Variants in PAG1 observed in about 807,000 individuals in gnomAD.
The protein encoded by PAG1 is phosphoprotein membrane anchor with glycosphingolipid microdomains 1.
In PAG1, 23 loss-of-function variants were observed where a neutral mutation model predicts 31.7. That is an observed-to-expected ratio of 0.73 (90% CI 0.52 to 1.03). PAG1 has a LOEUF of 1.03. Among genes scored for constraint, PAG1 ranks in the 50% least tolerant of loss-of-function variants. The pLI is 0.00. For synonymous variants in PAG1, 214 were observed against 210.3 expected, an observed-to-expected ratio of 1.02 and a Z score of -0.15; for missense variants, 473 against 540.7, an observed-to-expected ratio of 0.87 and a Z score of 1.24.
chr8:81,026,080 C>A (rs1808272630), intron 3 of PAG1, among the ~76,000 whole-genome samples: 1 of 152,086 alleles, frequency 6.6e-6, no homozygotes, highest in South Asian at 2.1e-4. Flanking sequence ...CTTTAGTTTC[C>A]TCTTTGGTAA....
At chr8:80,989,148 A>C (rs1468811569) in intron 5 of PAG1, among the ~76,000 whole-genome samples, 1 of 152,190 alleles carries the variant, frequency 6.6e-6, no homozygotes, top group South Asian at 2.1e-4. Context: ...ATGCTGTGCA[A>C]TGATCCAAAA....
At chr8:80,981,862 CTTTTTT>C (rs57438015) in intron 7 of PAG1, among the ~76,000 whole-genome samples, 11 of 103,422 alleles carry the variant, frequency 1.1e-4, no homozygotes, top group African/African-American at 1.0e-4. Context: ...ATCTCACTTC[CTTTTTT>C]TTTTTTTTTT....
At chr8:80,992,617 T>A (rs1055814600) in intron 4 of PAG1, among the ~76,000 whole-genome samples, 6 of 152,220 alleles carry the variant, frequency 3.9e-5, no homozygotes, top group African/African-American at 1.4e-4. Flanking sequence ...TTATTTCATA[T>A]ACAGCATGTT....
Position 80,976,354 on chromosome 8 carries a change from G to A in PAG1, c.*190C>T, listed in dbSNP as rs1807178445. The A allele has an allele frequency of 3.4e-6, 2 of 584,210 alleles. No homozygotes were observed. Among genetic ancestry groups the A allele is most frequent in the Non-Finnish European group, 5.9e-6 (2 of 337,034 alleles). 36.2% of individuals were successfully genotyped at this position (584,210 alleles called of 1,614,324 possible). On this transcript the variant is annotated 3_prime_UTR_variant, in exon 9 of 9. Coordinates refer to ENST00000220597, the MANE Select transcript of PAG1 (RefSeq NM_018440.4). ...ATCTGGCAGGCAGGGGCACACTCAG[G>A]TGCAGCCTAGTCCGTACCTCTCTGT...
chr8:81,099,836 G>C (rs1809582884), intron 1 of PAG1, among the ~76,000 whole-genome samples: 2 of 152,202 alleles, frequency 1.3e-5, no homozygotes, highest in African/African-American at 4.8e-5. Flanking sequence ...TCAGTGAATT[G>C]TTCAGTTGAA....
At chr8:81,069,153 G>T (rs1264828532) in intron 2 of PAG1, among the ~76,000 whole-genome samples, 2 of 152,186 alleles carry the variant, frequency 1.3e-5, no homozygotes, top group East Asian at 3.8e-4. Context: ...TGGCCTCAGA[G>T]GGGAACCAAA....
At chr8:81,040,009 A>ATTT (rs1808527969) in intron 2 of PAG1, among the ~76,000 whole-genome samples, 1 of 152,064 alleles carries the variant, frequency 6.6e-6, no homozygotes, top group African/African-American at 2.4e-5. Context: ...TTCCTAGGGA[A>ATTT]TTTTTTTGCT....
At position 80,976,661 on chromosome 8, in the gene PAG1, G is replaced by A. The variant is rs754075164; in HGVS notation, c.1182C>T (p.Asn394=). The part of the protein sequence containing the change: ...EPDYEAIQTL[N]REEEKATLGT... ...CCAGGGTGGCCTTTTCTTCCTCTCT[G>A]TTGAGAGTCTGTATCGCTTCATAAT... Residue 394 remains asparagine (N), a synonymous_variant, in exon 9 of 9, where the codon AAC becomes AAT. Coordinates refer to ENST00000220597, the MANE Select transcript of PAG1 (RefSeq NM_018440.4). 4 of 1,614,154 alleles carry A rather than the reference G, an allele frequency of 2.5e-6. No individual in the cohort carries two copies. Among genetic ancestry groups the A allele is most frequent in the Non-Finnish European group, 3.4e-6 (4 of 1,180,022 alleles).
At chr8:81,045,003 T>C (rs984727757) in intron 2 of PAG1, among the ~76,000 whole-genome samples, 1 of 152,170 alleles carries the variant, frequency 6.6e-6, no homozygotes, top group Non-Finnish European at 1.5e-5. Flanking sequence ...TGCACTTGCT[T>C]GTTTATGCAT....
At chr8:81,051,145 G>A (rs999698995) in intron 2 of PAG1, among the ~76,000 whole-genome samples, 2 of 152,176 alleles carry the variant, frequency 1.3e-5, no homozygotes, top group Non-Finnish European at 2.9e-5. Flanking sequence ...GCTGGATGAC[G>A]TGATGCCAGC....
chr8:81,098,651 T>A (rs530665654), intron 1 of PAG1, among the ~76,000 whole-genome samples: 1 of 152,256 alleles, frequency 6.6e-6, no homozygotes, highest in East Asian at 1.9e-4. Context: ...CTGGTGCAGA[T>A]GAACATGGCT....
chr8:81,104,438 A>G (rs556809236), intron 1 of PAG1, among the ~76,000 whole-genome samples: 1 of 150,992 alleles, frequency 6.6e-6, no homozygotes, highest in African/African-American at 2.4e-5. Flanking sequence ...TCACAACCTC[A>G]ACAACAATTT....
intron 1 of PAG1, among the ~76,000 whole-genome samples, chr8:81,095,246 A>G (rs1359269506): frequency 6.6e-6 from 1 of 152,236 alleles, no homozygotes; most frequent in Non-Finnish European, 1.5e-5. Flanking sequence ...ACAAAAGAGG[A>G]GCCCAGCATT....
chr8:81,100,012 C>T (rs950228535), intron 1 of PAG1, among the ~76,000 whole-genome samples: 8 of 152,212 alleles, frequency 5.3e-5, no homozygotes, highest in African/African-American at 1.9e-4. Flanking sequence ...AAAACTTACT[C>T]CTAATTGTCA....
intron 1 of PAG1, among the ~76,000 whole-genome samples, chr8:81,100,341 G>A (rs980913736): frequency 5.3e-5 from 8 of 152,086 alleles, no homozygotes; most frequent in Non-Finnish European, 1.2e-4. Context: ...ATCACTTTTC[G>A]TTTGCGTAAA....
At chr8:81,013,025 GA>G (rs1808011357) in intron 3 of PAG1, among the ~76,000 whole-genome samples, 3 of 152,270 alleles carry the variant, frequency 2.0e-5, no homozygotes, top group South Asian at 2.1e-4. Flanking sequence ...GTTTCTGTGA[GA>G]AAATATCAGA....
chr8:81,068,810 AT>A lies in PAG1; in HGVS notation c.-175+1301del, dbSNP rs778520700. ...AAGTACCACACAACGCTTTCCAGAA[AT>A]TGGGAGGAATGTGATTCTATTACAG... On this transcript the variant is annotated intron_variant, in intron 2 of 8. Transcript: ENST00000220597. Among the ~76,000 whole-genome samples the A allele has an allele frequency of 5.9e-5, 9 of 152,324 alleles. 2 individuals carry two copies. The highest frequency in any genetic ancestry group is 3.3e-4 in the Admixed American group (5 of 15,298).
chr8:81,078,373 G>A (rs1809211057), intron 1 of PAG1, among the ~76,000 whole-genome samples: 1 of 152,008 alleles, frequency 6.6e-6, no homozygotes, highest in Non-Finnish European at 1.5e-5. Context: ...TCTTCACCAG[G>A]GCAAAATACC....
At chr8:81,065,825 GTA>G (rs891842897) in intron 2 of PAG1, among the ~76,000 whole-genome samples, 2 of 150,380 alleles carry the variant, frequency 1.3e-5, no homozygotes, top group Non-Finnish European at 3.0e-5. Context: ...GTGTATGTGT[GTA>G]TATATATGTT....
Sources: gnomAD v4.1 joint callset for allele counts (sites outside exome capture counted in the v4.1 genomes callset) on GRCh38, gnomAD v4.1.1 for gene constraint, MANE v1.5 for transcripts, NCBI Gene and HGNC (gene_info 2026-07-23, HGNC 2026-07-21) for gene names.